ZNF155: variants seen among roughly 807,000 people sequenced by gnomAD.
ZNF155 encodes the protein KRAB A domain.
ZNF155 carries 15 observed loss-of-function variants against 11.9 expected under a neutral mutation model. The ratio of observed to expected loss-of-function variants is 1.26; its 90% CI spans 0.84 to 1.94. ZNF155 has a LOEUF of 1.94. Among genes scored for constraint, ZNF155 ranks in the 30% most tolerant of loss-of-function variants. The probability of loss-of-function intolerance (pLI) is 0.00; values close to 1 mark genes in which losing one functional copy is unlikely to be tolerated. For missense variants in ZNF155, 602 were observed against 639.1 expected (o/e 0.94, Z 0.63); for synonymous variants, 212 against 219.9 (o/e 0.96, Z 0.32).
intron 2 of ZNF155, among the ~76,000 whole-genome samples, chr19:43,989,210 T>C (rs1334163850): frequency 1.3e-5 from 2 of 152,352 alleles, no homozygotes; most frequent in Admixed American, 6.5e-5. Context: ...ACAAATATTG[T>C]TGGAGTTTTC....
intron 1 of ZNF155, among the ~76,000 whole-genome samples, chr19:43,984,821 CCTCTGACCT>C (rs1449340403): frequency 6.6e-6 from 1 of 152,128 alleles, no homozygotes; most frequent in Non-Finnish European, 1.5e-5. Flanking sequence ...ATCCCGGACG[CCTCTGACCT>C]CTTTTTAGGA....
chr19:43,987,356 C>G (rs977185574), intron 1 of ZNF155, among the ~76,000 whole-genome samples: 4 of 152,190 alleles, frequency 2.6e-5, no homozygotes, highest in Non-Finnish European at 5.9e-5. Context: ...AAGGATTTCA[C>G]AGCCTTTTTC....
At chr19:43,987,192 T>A (rs1975491739) in intron 1 of ZNF155, among the ~76,000 whole-genome samples, 1 of 152,246 alleles carries the variant, frequency 6.6e-6, no homozygotes. Context: ...AACATCATGT[T>A]ATCTCATATG....
intron 4 of ZNF155, among the ~76,000 whole-genome samples, chr19:43,992,578 C>T (rs1975704752): frequency 6.6e-6 from 1 of 152,234 alleles, no homozygotes. Flanking sequence ...AAGGCAGCTA[C>T]TTTGCATCTC....
At chr19:43,992,220 A>G (rs1212344566) in intron 4 of ZNF155, among the ~76,000 whole-genome samples, 7 of 152,168 alleles carry the variant, frequency 4.6e-5, no homozygotes, top group Non-Finnish European at 8.8e-5. Context: ...TTAGAGACCT[A>G]TGTGGTCTGC....
chr19:43,993,237 C>G (rs1368834518), intron 4 of ZNF155, among the ~76,000 whole-genome samples: 1 of 152,142 alleles, frequency 6.6e-6, no homozygotes, highest in African/African-American at 2.4e-5. Flanking sequence ...TTATGTCATA[C>G]AAGTTTTGTT....
At position 43,997,291 on chromosome 19, in the gene ZNF155, C is replaced by G. The variant is rs1265433929; in HGVS notation, c.1434C>G (p.His478Gln). 1 of 1,613,956 alleles carries G rather than the reference C, an allele frequency of 6.2e-7. No individual in the cohort carries two copies. The highest frequency in any genetic ancestry group is 1.3e-5 in the African/African-American group (1 of 74,868). The change falls in exon 5 of 5, where the codon CAC (histidine) becomes CAG (glutamine). Residue 478 changes from histidine to glutamine, a missense_variant. Physicochemically the swap from His to Gln is conservative, Grantham distance 24. Transcript: ENST00000270014. ...ASSILNHKRL[H>Q]CQKKPFKCED... ...GTATTTTGAATCATAAGAGACTCCA[C>G]TGCCAGAAAAAACCATTCAAATGTG...
intron 2 of ZNF155, among the ~76,000 whole-genome samples, chr19:43,990,802 T>C (rs1975631596): frequency 6.6e-6 from 1 of 152,130 alleles, no homozygotes; most frequent in Admixed American, 6.5e-5. Context: ...TATCTACAAA[T>C]TGGCAGCAAG....
chr19:43,996,053 G>A (rs200975774), intron 4 of ZNF155, 40 bp from the exon 5 acceptor site: 7 of 1,535,010 alleles, frequency 4.6e-6, no homozygotes, highest in Non-Finnish European at 6.1e-6. Context: ...CTGAATAAAG[G>A]CTTCACCTGT....
rs372588805 is a variant in ZNF155, at chr19:43,991,904, G to C, written c.205G>C (p.Gly69Arg). ...FLREEKFWMM[G>R]TATQREGNSG... ...AAGGGAAGAAAAGTTTTGGATGATG[G>C]GGACAGCAACCCAAAGAGAAGGGAA... The change falls in exon 4 of 5, where the codon GGG becomes CGG. Residue 69 changes from glycine to arginine, a missense_variant. Coordinates refer to ENST00000270014, the MANE Select transcript of ZNF155 (RefSeq NM_198089.3). 6.2e-7 allele frequency: 1 copy of C among 1,613,840 alleles called. No homozygotes were observed. Among genetic ancestry groups the C allele is most frequent in the Non-Finnish European group, 8.5e-7 (1 of 1,179,884 alleles).
intron 2 of ZNF155, among the ~76,000 whole-genome samples, chr19:43,990,977 T>G (rs1975638420): frequency 6.6e-6 from 1 of 152,104 alleles, no homozygotes. Context: ...TACTGGGCAC[T>G]TTCTCCCTAA....
chr19:43,995,477 C>T (rs1052981947), intron 4 of ZNF155, among the ~76,000 whole-genome samples: 2 of 150,636 alleles, frequency 1.3e-5, no homozygotes, highest in African/African-American at 4.9e-5. Flanking sequence ...TTCCACCTCC[C>T]AGGCTCAAGC....
chr19:43,992,000 C>G, intron 4 of ZNF155, 66 bp downstream of exon 4: 1 of 1,394,170 alleles, frequency 7.2e-7, no homozygotes, highest in South Asian at 1.3e-5. Context: ...CTGTCCATGC[C>G]CATTTGCATT....
chr19:43,993,164 G>A (rs1260111319), intron 4 of ZNF155, among the ~76,000 whole-genome samples: 1 of 152,240 alleles, frequency 6.6e-6, no homozygotes, highest in Non-Finnish European at 1.5e-5. Flanking sequence ...CACAAGTCAT[G>A]TAGCTGAACA....
rs1192515637 is a variant in ZNF155 at position 43,997,120 on chromosome 19, C to G, written c.1263C>G (p.Ser421=). The part of the protein sequence containing the change: ...TNSQLSSHQR[S]HSGEKPYKCE... ...CACAACTGTCTTCCCATCAGAGATC[C>G]CACAGTGGTGAAAAGCCATATAAAT... Residue 421 remains serine, a synonymous_variant, in exon 5 of 5, where the codon TCC becomes TCG. Transcript: ENST00000270014. 1 of 1,614,094 alleles carries G rather than the reference C, an allele frequency of 6.2e-7. No individual in the cohort carries two copies.
chr19:43,997,577 C>G lies in ZNF155; in HGVS notation c.*103C>G. ...TGTATCTGTTACCTCAAACATTTACCATTTCTTTGTGTTGGAAAATTCAAA... is the reference window on the plus strand; with the variant it reads ...TGTATCTGTTACCTCAAACATTTACGATTTCTTTGTGTTGGAAAATTCAAA... On this transcript the variant is annotated 3_prime_UTR_variant, in exon 5 of 5. Coordinates refer to ENST00000270014, the MANE Select transcript of ZNF155 (RefSeq NM_198089.3). The G allele has an allele frequency of 9.3e-7, 1 of 1,079,896 alleles. No individual in the cohort carries two copies. The highest frequency in any genetic ancestry group is 3.0e-5 in the Admixed American group (1 of 32,854). The allele number at this position is 1,079,896 out of a possible 1,614,324, so 66.9% of individuals were successfully genotyped here.
In ZNF155 at chr19:43,996,411, TCTG is replaced by T. The variant is rs1227490183; in HGVS notation, c.555_557del (p.Cys186del). Reference sequence around the variant, plus strand: ...ACATGTGATGAGTGTGGAAAAAGCATCTGTTACATCTCAGCTCTTCATGTTCAT... The same window carrying T: ...ACATGTGATGAGTGTGGAAAAAGCATTTACATCTCAGCTCTTCATGTTCAT... On this transcript the variant is annotated inframe_deletion, in exon 5 of 5. Transcript: ENST00000270014. 1 of 1,614,072 alleles carries T rather than the reference TCTG, an allele frequency of 6.2e-7. No homozygotes were observed. The highest frequency in any genetic ancestry group is 2.2e-5 in the East Asian group (1 of 44,896).
At chr19:43,991,196 T>C (rs1192474871) in intron 2 of ZNF155, among the ~76,000 whole-genome samples, 3 of 152,018 alleles carry the variant, frequency 2.0e-5, no homozygotes, top group South Asian at 4.2e-4. Flanking sequence ...CCCAACAAAG[T>C]TGGGACTGAA....
intron 1 of ZNF155, among the ~76,000 whole-genome samples, chr19:43,985,734 G>A (rs1975418912): frequency 6.6e-6 from 1 of 151,844 alleles, no homozygotes; most frequent in Non-Finnish European, 1.5e-5. Flanking sequence ...TAAAGATGGG[G>A]TTTCACCGTT....
Sources: gnomAD v4.1 joint callset for allele counts (sites outside exome capture counted in the v4.1 genomes callset) on GRCh38, gnomAD v4.1.1 for gene constraint, MANE v1.5 for transcripts, NCBI Gene and HGNC (gene_info 2026-07-23, HGNC 2026-07-21) for gene names.